The following CCDC148 variants were observed in gnomAD, a reference collection of about 807,000 sequenced individuals.
CCDC148 encodes coiled-coil domain-containing protein 148.
A neutral mutation model predicts 85.7 loss-of-function variants in CCDC148; 89 were observed. That is an observed-to-expected ratio of 1.04 (90% CI 0.87 to 1.24). The LOEUF is 1.24. CCDC148 is among the 50% of genes most tolerant of loss of function. CCDC148 has a pLI of 0.00. For missense variants in CCDC148, 692 were observed against 671.7 expected (o/e 1.03, Z -0.33); for synonymous variants, 230 against 213.9 (o/e 1.08, Z -0.66).
chr2:158,403,554 CAG>C (rs1439285095), intron 1 of CCDC148, among the ~76,000 whole-genome samples: 1 of 151,992 alleles, frequency 6.6e-6, no homozygotes, highest in African/African-American at 2.4e-5. Context: ...AGAAACCTGA[CAG>C]AGAGCAGCTT....
intron 1 of CCDC148, among the ~76,000 whole-genome samples, chr2:158,388,217 C>A (rs1021195326): frequency 6.6e-6 from 1 of 151,230 alleles, no homozygotes; most frequent in African/African-American, 2.4e-5. Flanking sequence ...AGAAAAGAAG[C>A]CAGTCAGTAT....
intron 1 of CCDC148, among the ~76,000 whole-genome samples, chr2:158,409,873 G>C (rs1348325161): frequency 6.6e-6 from 1 of 152,110 alleles, no homozygotes; most frequent in Non-Finnish European, 1.5e-5. Flanking sequence ...CATGGGGGCA[G>C]TTTCCAACAT....
At chr2:158,227,886 C>T (rs1413602537) in intron 10 of CCDC148, among the ~76,000 whole-genome samples, 2 of 152,148 alleles carry the variant, frequency 1.3e-5, no homozygotes, top group Admixed American at 6.5e-5. Context: ...CCATTCAGGA[C>T]ATAGGCATGG....
At chr2:158,425,297 G>A in intron 1 of CCDC148, 1 of 535,840 alleles carries the variant, frequency 1.9e-6, no homozygotes, top group South Asian at 1.4e-5. Flanking sequence ...ACAATCACCA[G>A]CCATACTAAA....
intron 11 of CCDC148, among the ~76,000 whole-genome samples, chr2:158,199,796 T>C (rs1036964423): frequency 4.6e-5 from 7 of 152,200 alleles, no homozygotes; most frequent in Non-Finnish European, 1.0e-4. Flanking sequence ...TGTTTCTTTT[T>C]CTTTGAAAAT....
At chr2:158,324,851 C>A (rs1167964366) in intron 7 of CCDC148, among the ~76,000 whole-genome samples, 1 of 152,148 alleles carries the variant, frequency 6.6e-6, no homozygotes, top group Non-Finnish European at 1.5e-5. Flanking sequence ...CACAGACTGC[C>A]ACCATGAACA....
At chr2:158,199,782 C>A (rs1453228612) in intron 11 of CCDC148, among the ~76,000 whole-genome samples, 1 of 152,062 alleles carries the variant, frequency 6.6e-6, no homozygotes, top group Non-Finnish European at 1.5e-5. Context: ...TGGGAACGAG[C>A]AAATGTTTCT....
chr2:158,402,654 A>C (rs2105307347), intron 1 of CCDC148, among the ~76,000 whole-genome samples: 1 of 152,158 alleles, frequency 6.6e-6, no homozygotes, highest in South Asian at 2.1e-4. Flanking sequence ...CTTTTAACAG[A>C]TATATTAATC....
intron 11 of CCDC148, among the ~76,000 whole-genome samples, chr2:158,217,534 C>G (rs948129011): frequency 4.6e-5 from 7 of 151,906 alleles, no homozygotes; most frequent in African/African-American, 1.5e-4. Flanking sequence ...TCCCAAGTAG[C>G]TGGGTCTACA....
At chr2:158,338,271 G>A (rs1682489791) in intron 7 of CCDC148, among the ~76,000 whole-genome samples, 1 of 152,102 alleles carries the variant, frequency 6.6e-6, no homozygotes, top group African/African-American at 2.4e-5. Flanking sequence ...TCCTAAAAAT[G>A]AAATTTAACA....
chr2:158,175,112 T>C (rs1684511992), intron 13 of CCDC148, among the ~76,000 whole-genome samples: 1 of 151,926 alleles, frequency 6.6e-6, no homozygotes, highest in Non-Finnish European at 1.5e-5. Flanking sequence ...ACTGAAGACA[T>C]ACTAGGAAAA....
chr2:158,188,026 T>C (rs914327037), intron 11 of CCDC148, among the ~76,000 whole-genome samples: 1 of 151,976 alleles, frequency 6.6e-6, no homozygotes, highest in Non-Finnish European at 1.5e-5. Flanking sequence ...CCTGATGACA[T>C]ATCTAAATAG....
At chr2:158,190,245 AGG>A (rs1381213171) in intron 11 of CCDC148, among the ~76,000 whole-genome samples, 1 of 151,968 alleles carries the variant, frequency 6.6e-6, no homozygotes, top group African/African-American at 2.4e-5. Context: ...ATGATTTTGG[AGG>A]GACAGCACAG....
intron 8 of CCDC148, among the ~76,000 whole-genome samples, chr2:158,311,216 T>C (rs1691994890): frequency 6.6e-6 from 1 of 152,150 alleles, no homozygotes; most frequent in Non-Finnish European, 1.5e-5. Flanking sequence ...CCGTCTGCAA[T>C]CCCGGCACCT....
At chr2:158,250,298 A>G (rs1688736454) in intron 10 of CCDC148, among the ~76,000 whole-genome samples, 1 of 152,018 alleles carries the variant, frequency 6.6e-6, no homozygotes, top group Non-Finnish European at 1.5e-5. Context: ...AAACAAAACC[A>G]TCTAATAAAC....
chr2:158,354,694 T>C (rs965376393), intron 2 of CCDC148, among the ~76,000 whole-genome samples: 8 of 151,774 alleles, frequency 5.3e-5, no homozygotes, highest in African/African-American at 1.4e-4. Flanking sequence ...TTCCAATCAA[T>C]AGAGAAAGAG....
At chr2:158,357,552 A>G (rs1333000238) in intron 2 of CCDC148, among the ~76,000 whole-genome samples, 1 of 152,192 alleles carries the variant, frequency 6.6e-6, no homozygotes, top group African/African-American at 2.4e-5. Context: ...ATAGTAATAT[A>G]AGTGACTTTA....
chr2:158,336,446 C>T (rs1215612021), intron 7 of CCDC148, among the ~76,000 whole-genome samples: 1 of 152,102 alleles, frequency 6.6e-6, no homozygotes, highest in Non-Finnish European at 1.5e-5. Context: ...GGTTAGGGTA[C>T]ATGTATATAC....
chr2:158,210,131 T>A (rs12104564), intron 11 of CCDC148, among the ~76,000 whole-genome samples: 1 of 151,530 alleles, frequency 6.6e-6, no homozygotes, highest in Non-Finnish European at 1.5e-5. Flanking sequence ...ACCAAGCAAA[T>A]GGAAAGCAAA....
Sources: gnomAD v4.1 joint callset for allele counts (sites outside exome capture counted in the v4.1 genomes callset) on GRCh38, gnomAD v4.1.1 for gene constraint, MANE v1.5 for transcripts, NCBI Gene and HGNC (gene_info 2026-07-23, HGNC 2026-07-21) for gene names.